Variants in DNAI7 observed in about 807,000 individuals in gnomAD.
DNAI7 encodes the protein cancer susceptibility 1.
In DNAI7, 78 loss-of-function variants were observed where a neutral mutation model predicts 86.6. The ratio of observed to expected loss-of-function variants is 0.90; its 90% confidence interval spans 0.75 to 1.09. The LOEUF (loss-of-function observed/expected upper bound fraction) is 1.09. Ranked by LOEUF, DNAI7 falls within the 50% of genes least tolerant of loss-of-function variation. The pLI is 0.00. For synonymous variants in DNAI7, 274 were observed against 273.0 expected (o/e 1.00, Z -0.04); for missense variants, 753 against 810.2 (o/e 0.93, Z 0.86).
chr12:25,129,747 T>C (rs567605532), intron 9 of DNAI7, among the ~76,000 whole-genome samples: 15 of 135,860 alleles, frequency 1.1e-4, no homozygotes, highest in Non-Finnish European at 2.1e-4. Flanking sequence ...TTATTTTGGG[T>C]TTATTTTTAT....
chr12:25,115,255 T>C (rs148130079), intron 12 of DNAI7, among the ~76,000 whole-genome samples: 52 of 152,390 alleles, frequency 3.4e-4, no homozygotes, highest in African/African-American at 1.3e-3. Flanking sequence ...AGAAACTCTC[T>C]TCAGCTTTGC....
chr12:25,129,800 C>G (rs570852373), intron 9 of DNAI7, among the ~76,000 whole-genome samples: 24 of 150,830 alleles, frequency 1.6e-4, no homozygotes, highest in African/African-American at 5.9e-4. Context: ...TTCACTCTTA[C>G]TGCCCAGGCT....
At position 25,169,536 on chromosome 12, in the gene DNAI7, G is replaced by T. The variant is rs143065298; in HGVS notation, c.22-8339C>A. ...AGTGAAACTAACATTGAATATAAAT[G>T]GCCTAAATGCTCCACTTAAAAGACA... On this transcript the variant is annotated intron_variant, in intron 2 of 15. Coordinates refer to ENST00000395987, the MANE Select transcript of DNAI7 (RefSeq NM_018272.5). 5.4e-3 allele frequency among the ~76,000 whole-genome samples: 816 copies of T among 152,188 alleles called. 4 individuals are homozygous for T. Among genetic ancestry groups the T allele is most frequent in the Non-Finnish European group, 5.1e-3 (345 of 68,010 alleles).
intron 12 of DNAI7, among the ~76,000 whole-genome samples, chr12:25,116,088 T>C (rs1451910709): frequency 1.3e-5 from 2 of 150,664 alleles, no homozygotes; most frequent in African/African-American, 4.9e-5. Flanking sequence ...TTCTTTCTTT[T>C]TTTTTTTTTT....
intron 2 of DNAI7, among the ~76,000 whole-genome samples, chr12:25,183,501 T>G (rs1949755151): frequency 6.6e-6 from 1 of 152,196 alleles, no homozygotes; most frequent in African/African-American, 2.4e-5. Flanking sequence ...CTATTGTGTC[T>G]AATATTAATA....
At chr12:25,111,557 G>T (rs1938820962) in intron 14 of DNAI7, among the ~76,000 whole-genome samples, 1 of 152,124 alleles carries the variant, frequency 6.6e-6, no homozygotes. Flanking sequence ...CTGTGGATAT[G>T]CTCCATTTGT....
intron 6 of DNAI7, among the ~76,000 whole-genome samples, chr12:25,153,613 ACT>A (rs2140954260): frequency 6.6e-6 from 1 of 152,194 alleles, no homozygotes; most frequent in African/African-American, 2.4e-5. Context: ...CCTTGTATGT[ACT>A]CTAGGCTTTG....
At chr12:25,192,878 T>A (rs1461693722) in intron 1 of DNAI7, 1 of 148,406 alleles carries the variant, frequency 6.7e-6, no homozygotes, top group Non-Finnish European at 1.5e-5. Context: ...CTGGGTGCAC[T>A]GGCTTACTCC....
chr12:25,116,372 G>T lies in DNAI7; in HGVS notation c.1397-1502C>A, dbSNP rs535113003. 4.6e-5 allele frequency among the ~76,000 whole-genome samples: 7 copies of T among 152,068 alleles called. No individual in the cohort carries two copies. In the East Asian group the frequency reaches 1.3e-3, roughly 29 times the overall value. Reference sequence around the variant, plus strand: ...TTCTCCAAATTTCTAGTAGTTCCGGGCAAAATGTTTCCCCATGGTTTAAAA... The same window carrying T: ...TTCTCCAAATTTCTAGTAGTTCCGGTCAAAATGTTTCCCCATGGTTTAAAA... On this transcript the variant is annotated intron_variant, in intron 12 of 15. Transcript: ENST00000395987.
chr12:25,138,252 T>A (rs1357798460), intron 9 of DNAI7, among the ~76,000 whole-genome samples: 1 of 152,086 alleles, frequency 6.6e-6, no homozygotes, highest in Non-Finnish European at 1.5e-5. Flanking sequence ...TCACCTTAGA[T>A]CAGGAGGTGG....
intron 2 of DNAI7, among the ~76,000 whole-genome samples, chr12:25,176,169 G>T (rs1008658688): frequency 1.3e-4 from 20 of 152,178 alleles, no homozygotes; most frequent in Admixed American, 5.2e-4. Context: ...AAATAAAAAT[G>T]TTAATCTGTT....
At chr12:25,174,378 C>T (rs199811654) in intron 2 of DNAI7, among the ~76,000 whole-genome samples, 19 of 286 alleles carry the variant, frequency 0.066, 7 homozygotes, top group Admixed American at 0.15. Flanking sequence ...TATGTTATAT[C>T]ATATATATGG....
Position 25,108,840 on chromosome 12 carries a change from T to TAAA in DNAI7, c.1894-18_1894-17insTTT. 6.9e-6 allele frequency: 2 copies of TAAA among 288,242 alleles called. No individual in the cohort carries two copies. The highest frequency in any genetic ancestry group is 9.3e-6 in the Non-Finnish European group (2 of 215,970). 17.9% of individuals were successfully genotyped at this position (288,242 alleles called of 1,614,324 possible). ...TTCCCTCACCTAAAAAAAAAAAAAA[T>TAAA]TCAAGCAAGTTGTTAATAATTCCTC... On this transcript the variant is annotated splice_polypyrimidine_tract_variant and intron_variant, in intron 15 of 15. Transcript: ENST00000395987.
chr12:25,190,642 GA>G lies in DNAI7; in HGVS notation c.4-12del. On this transcript the variant is annotated splice_polypyrimidine_tract_variant and intron_variant, in intron 1 of 15. Transcript: ENST00000395987. ...TTTTGCTTTGGGACCCTAAAAGTTG[GA>G]AAACAAAAGAATTGATCAATTTTAA... is the stretch of plus-strand genomic sequence containing the variant. 1.4e-6 allele frequency: 2 copies of G among 1,395,062 alleles called. No homozygotes were observed. Among genetic ancestry groups the G allele is most frequent in the Non-Finnish European group, 9.8e-7 (1 of 1,022,714 alleles). The allele number at this position is 1,395,062 out of a possible 1,614,324, so 86.4% of individuals were successfully genotyped here. A position where few individuals can be genotyped will look rare whatever the true frequency, so the allele number is the denominator to read the frequency against.
At chr12:25,185,137 C>CTAAAA (rs1318598048) in intron 2 of DNAI7, among the ~76,000 whole-genome samples, 2 of 151,992 alleles carry the variant, frequency 1.3e-5, no homozygotes, top group Admixed American at 6.6e-5. Context: ...GATCCTGTCT[C>CTAAAA]TAAAATAAAA....
At chr12:25,109,865 A>C (rs1313048153) in intron 15 of DNAI7, among the ~76,000 whole-genome samples, 1 of 151,522 alleles carries the variant, frequency 6.6e-6, no homozygotes, top group African/African-American at 2.4e-5. Context: ...TTTGGTAGAA[A>C]CGGGGTTTCA....
At chr12:25,168,363 AAG>A (rs1445223241) in intron 2 of DNAI7, among the ~76,000 whole-genome samples, 16 of 152,248 alleles carry the variant, frequency 1.1e-4, no homozygotes, top group African/African-American at 3.4e-4. Context: ...CACGACAAAA[AAG>A]AGTTATTCCA....
intron 6 of DNAI7, among the ~76,000 whole-genome samples, chr12:25,153,369 C>T (rs1592464189): frequency 6.6e-6 from 1 of 152,054 alleles, no homozygotes; most frequent in Non-Finnish European, 1.5e-5. Context: ...TGCGGTAAGC[C>T]GAGATCACGC....
At chr12:25,170,479 A>T (rs951627779) in intron 2 of DNAI7, among the ~76,000 whole-genome samples, 2 of 152,208 alleles carry the variant, frequency 1.3e-5, no homozygotes, top group African/African-American at 4.8e-5. Flanking sequence ...ATTTATAAAA[A>T]CAATTACTAA....
Sources: allele counts gnomAD v4.1 joint callset (sites outside exome capture counted in the v4.1 genomes callset), GRCh38; gene constraint gnomAD v4.1.1; transcripts MANE v1.5; gene names NCBI Gene and HGNC (gene_info 2026-07-23, HGNC 2026-07-21).